HDAC9: variants seen among roughly 807,000 people sequenced by gnomAD.
HDAC9 encodes the protein MEF-2 interacting transcription repressor (MITR) protein.
HDAC9 carries 41 observed loss-of-function variants against 139.4 expected under a neutral mutation model. That is an observed-to-expected ratio of 0.29 (90% CI 0.23 to 0.38). The LOEUF (loss-of-function observed/expected upper bound fraction) is 0.38. Ranked by LOEUF, HDAC9 falls within the 10% of genes least tolerant of loss-of-function variation. HDAC9 has a pLI of 1.00. For missense variants in HDAC9, 1,147 were observed against 1,297.0 expected (o/e 0.88, Z 1.78); for synonymous variants, 517 against 476.2 (o/e 1.09, Z -1.12).
chr7:18,365,841 T>A (rs948301692), intron 1 of HDAC9, among the ~76,000 whole-genome samples: 2 of 152,032 alleles, frequency 1.3e-5, no homozygotes, highest in African/African-American at 4.8e-5. Context: ...GTAGTAATAA[T>A]AACTAATAGT....
At position 18,643,538 on chromosome 7, in the gene HDAC9, A is replaced by G. The variant is rs144911109; in HGVS notation, c.913-1133A>G. Reference sequence around the variant, plus strand: ...ACGTATGATTGAGATGATGTTTTGGAATAACATCCTGTGTTTTGGTGGTGC... The same window carrying G: ...ACGTATGATTGAGATGATGTTTTGGGATAACATCCTGTGTTTTGGTGGTGC... On this transcript the variant is annotated intron_variant, in intron 8 of 25. Transcript: ENST00000686413. Among the ~76,000 whole-genome samples the G allele has an allele frequency of 9.7e-4, 147 of 152,214 alleles. 1 individual carries two copies. Among genetic ancestry groups the G allele is most frequent in the African/African-American group, 3.5e-3 (145 of 41,558 alleles).
intron 12 of HDAC9, among the ~76,000 whole-genome samples, chr7:18,691,781 C>A (rs1782690996): frequency 6.6e-6 from 1 of 151,962 alleles, no homozygotes; most frequent in Non-Finnish European, 1.5e-5. Context: ...AGAATTCAAG[C>A]TAACATAGAC....
At position 18,815,258 on chromosome 7, in the gene HDAC9, AT is replaced by A. The variant is rs534437349; in HGVS notation, c.2323-13902del. 1.6e-4 allele frequency among the ~76,000 whole-genome samples: 24 copies of A among 151,932 alleles called. No homozygotes were observed. In the East Asian group the frequency reaches 4.3e-3, roughly 27 times the overall value. The stretch of plus-strand genomic sequence containing the variant: ...TTGGGCCATATTTATATGACAAAAA[AT>A]ATCTGATTTTTTTTTGATCAATGTG... On this transcript the variant is annotated intron_variant, in intron 17 of 25. Coordinates refer to ENST00000686413, the MANE Select transcript of HDAC9 (RefSeq NM_178425.4).
At chr7:18,175,464 C>A (rs1788812460) in intron 2 of HDAC9, among the ~76,000 whole-genome samples, 1 of 152,158 alleles carries the variant, frequency 6.6e-6, no homozygotes, top group Non-Finnish European at 1.5e-5. Context: ...ATGGGCTGTA[C>A]CCTCTGTCCA....
At chr7:18,837,942 C>G (rs925717608) in intron 21 of HDAC9, among the ~76,000 whole-genome samples, 2 of 152,046 alleles carry the variant, frequency 1.3e-5, no homozygotes, top group Admixed American at 1.3e-4. Context: ...CTAAGCTTCC[C>G]AGTGTATCTC....
intron 3 of HDAC9, among the ~76,000 whole-genome samples, chr7:18,589,784 A>G (rs1043102202): frequency 1.3e-5 from 2 of 152,212 alleles, no homozygotes; most frequent in African/African-American, 4.8e-5. Context: ...CATATTATGA[A>G]TATATACATT....
At chr7:18,395,249 A>C (rs566068309) in intron 1 of HDAC9, 23 of 152,254 alleles carry the variant, frequency 1.5e-4, no homozygotes, top group African/African-American at 4.6e-4. Flanking sequence ...GTTTAACCTT[A>C]AAATAGGGCT....
intron 13 of HDAC9, among the ~76,000 whole-genome samples, chr7:18,732,459 T>TA (rs2129133201): frequency 1.2e-5 from 1 of 80,586 alleles, no homozygotes; most frequent in South Asian, 4.1e-4. Context: ...TGTGTGTATA[T>TA]TTGTATGTGT....
At chr7:18,924,210 T>G (rs1804008971) in intron 22 of HDAC9, among the ~76,000 whole-genome samples, 1 of 152,096 alleles carries the variant, frequency 6.6e-6, no homozygotes, top group South Asian at 2.1e-4. Context: ...ATGTTATCCT[T>G]TCTTTTGCAA....
intron 12 of HDAC9, among the ~76,000 whole-genome samples, chr7:18,704,733 T>C (rs1211864232): frequency 6.6e-6 from 1 of 152,180 alleles, no homozygotes; most frequent in African/African-American, 2.4e-5. Context: ...GCAGGAAAGG[T>C]ATTCTCTTGC....
At chr7:18,791,752 CTCAT>C (rs1169796283) in intron 16 of HDAC9, among the ~76,000 whole-genome samples, 2 of 152,150 alleles carry the variant, frequency 1.3e-5, no homozygotes, top group East Asian at 3.9e-4. Context: ...CCACAGTGTA[CTCAT>C]TCAATCAACA....
At chr7:18,270,674 G>T (rs1796297852) in intron 2 of HDAC9, among the ~76,000 whole-genome samples, 1 of 152,146 alleles carries the variant, frequency 6.6e-6, no homozygotes, top group Non-Finnish European at 1.5e-5. Flanking sequence ...TGAAAAAAGA[G>T]TAGGAGGAAA....
rs1046211345 is a variant in HDAC9, at chr7:18,684,647, G to A, written c.1731+18171G>A. On this transcript the variant is annotated intron_variant, in intron 12 of 25. Transcript: ENST00000686413. ...AATGACATATCTCTTAATTTTAAAC[G>A]TAAGATCAAGGTCCTAAAATTTGAT... is the stretch of plus-strand genomic sequence containing the variant. Among the ~76,000 whole-genome samples the A allele has an allele frequency of 3.3e-5, 5 of 152,034 alleles. No individual in the cohort carries two copies. In the East Asian group the frequency reaches 5.8e-4, roughly 18 times the overall value.
At chr7:18,360,747 T>C (rs1419061530) in intron 1 of HDAC9, among the ~76,000 whole-genome samples, 1 of 152,206 alleles carries the variant, frequency 6.6e-6, no homozygotes, top group Non-Finnish European at 1.5e-5. Flanking sequence ...TTTTTTTATT[T>C]GTCTTGTTAT....
At chr7:18,902,008 C>T (rs769499420) in intron 22 of HDAC9, among the ~76,000 whole-genome samples, 54 of 152,180 alleles carry the variant, frequency 3.5e-4, no homozygotes, top group Admixed American at 1.6e-3. Context: ...CATGAAATTG[C>T]CCTAAAGTGT....
At chr7:18,306,514 C>T (rs1798917170) in intron 1 of HDAC9, among the ~76,000 whole-genome samples, 1 of 152,112 alleles carries the variant, frequency 6.6e-6, no homozygotes, top group Non-Finnish European at 1.5e-5. Context: ...TGATAGTAAT[C>T]TAAGTTTAAT....
intron 2 of HDAC9, among the ~76,000 whole-genome samples, chr7:18,530,037 G>A (rs1477611512): frequency 6.6e-6 from 1 of 152,102 alleles, no homozygotes; most frequent in Non-Finnish European, 1.5e-5. Flanking sequence ...TTGGGGGGGT[G>A]TGGCAGGAGG....
At chr7:18,270,228 A>G (rs927379319) in intron 2 of HDAC9, among the ~76,000 whole-genome samples, 1 of 151,748 alleles carries the variant, frequency 6.6e-6, no homozygotes, top group Non-Finnish European at 1.5e-5. Flanking sequence ...TCATCTGTGT[A>G]TCCTCAGTGG....
chr7:18,304,057 G>A (rs895185706), intron 1 of HDAC9, among the ~76,000 whole-genome samples: 1 of 152,234 alleles, frequency 6.6e-6, no homozygotes, highest in Non-Finnish European at 1.5e-5. Flanking sequence ...ATAGAATTTC[G>A]TTGACCTGGG....
Sources: allele counts gnomAD v4.1 joint callset (sites outside exome capture counted in the v4.1 genomes callset), GRCh38; gene constraint gnomAD v4.1.1; transcripts MANE v1.5; gene names NCBI Gene and HGNC (gene_info 2026-07-23, HGNC 2026-07-21).